The following NUP107 variants were observed in gnomAD, a reference collection of about 807,000 sequenced individuals.
NUP107 encodes the protein nuclear pore complex protein Nup107.
A neutral mutation model predicts 141.0 loss-of-function variants in NUP107; 101 were observed. The observed-to-expected ratio is 0.72, with a 90% CI of 0.61 to 0.84. The LOEUF (loss-of-function observed/expected upper bound fraction) is 0.84. Among genes scored for constraint, NUP107 ranks in the 40% least tolerant of loss-of-function variants. The pLI, the probability that NUP107 is intolerant of heterozygous loss-of-function variation, is 0.00. For synonymous variants in NUP107, 319 were observed against 363.9 expected (o/e 0.88, Z 1.41); for missense variants, 941 against 1,102.7 (o/e 0.85, Z 2.08).
chr12:68,713,851 AT>A lies in NUP107; in HGVS notation c.969+53del, dbSNP rs762217356. On this transcript the variant is annotated intron_variant, in intron 11 of 27. Coordinates refer to ENST00000229179, the MANE Select transcript of NUP107 (RefSeq NM_020401.4). ...TGAAAGTTGCCTTCAAAGTTAACTGATTTTTTTTTTCAGGCTGAGAATTTTT... is the reference window on the plus strand; with the variant it reads ...TGAAAGTTGCCTTCAAAGTTAACTGATTTTTTTTTCAGGCTGAGAATTTTT... The A allele has an allele frequency of 1.1e-3, 1,539 of 1,399,424 alleles. 2 individuals are homozygous for A. Among genetic ancestry groups the A allele is most frequent in the Admixed American group, 1.9e-3 (92 of 47,800 alleles). The allele number at this position is 1,399,424 out of a possible 1,614,324, so 86.7% of individuals were successfully genotyped here. A position where few individuals can be genotyped will look rare whatever the true frequency, so the allele number is the denominator to read the frequency against.
chr12:68,697,046 G>A, intron 6 of NUP107, 124 bp downstream of exon 6: 1 of 524,818 alleles, frequency 1.9e-6, no homozygotes. Context: ...GGAGTGGAGG[G>A]AAAGTCAACT....
At chr12:68,693,399 G>A (rs185601927) in intron 5 of NUP107, among the ~76,000 whole-genome samples, 83 of 151,958 alleles carry the variant, frequency 5.5e-4, no homozygotes, top group African/African-American at 1.9e-3. Context: ...TCTTTATAGA[G>A]ACAGGGTCTA....
In NUP107 at chr12:68,743,090, AG is replaced by A. The variant is rs1878388346; in HGVS notation, c.*630del. The A allele has an allele frequency of 6.6e-6, 1 of 152,244 alleles. No individual in the cohort carries two copies. Among genetic ancestry groups the A allele is most frequent in the Admixed American group, 6.5e-5 (1 of 15,276 alleles). 9.4% of individuals were successfully genotyped at this position (152,244 alleles called of 1,614,324 possible). A position where few individuals can be genotyped will look rare whatever the true frequency, so the allele number is the denominator to read the frequency against. Reference sequence around the variant, plus strand: ...GGGAAATACCATAAGTACATTTAAAAGGTGTCATTTAAAAATACAAGTAGTG... The same window carrying A: ...GGGAAATACCATAAGTACATTTAAAAGTGTCATTTAAAAATACAAGTAGTG... On this transcript the variant is annotated 3_prime_UTR_variant, in exon 28 of 28. Coordinates refer to ENST00000229179, the MANE Select transcript of NUP107 (RefSeq NM_020401.4).
chr12:68,727,414 G>T (rs1303844236), intron 20 of NUP107, 25 bp downstream of exon 20: 9 of 1,348,604 alleles, frequency 6.7e-6, no homozygotes, highest in Non-Finnish European at 8.2e-6. Flanking sequence ...CCTACAACCT[G>T]ATTGTTTTTT....
At chr12:68,705,440 C>G (rs964938152) in intron 8 of NUP107, among the ~76,000 whole-genome samples, 9 of 150,972 alleles carry the variant, frequency 6.0e-5, no homozygotes, top group Non-Finnish European at 1.3e-4. Context: ...AAGGGAGTAT[C>G]TCACTTTACA....
chr12:68,692,666 T>G (rs749017793), intron 5 of NUP107, among the ~76,000 whole-genome samples: 12 of 151,526 alleles, frequency 7.9e-5, no homozygotes, highest in Non-Finnish European at 1.0e-4. Context: ...CACTGCAGCC[T>G]TAACCTCCCA....
In NUP107 at chr12:68,689,632, G is replaced by A; in HGVS notation, c.187+13G>A. The A allele has an allele frequency of 6.4e-7, 1 of 1,557,094 alleles. No individual in the cohort carries two copies. The highest frequency in any genetic ancestry group is 8.8e-7 in the Non-Finnish European group (1 of 1,136,090). ...TTTCGACAGCCTTGTAAGATTTTTT[G>A]CTTTTAAAGCATTTAATAATAACGG... On this transcript the variant is annotated intron_variant, in intron 3 of 27. Transcript: ENST00000229179.
At chr12:68,725,227 G>C (rs933916266) in intron 17 of NUP107, among the ~76,000 whole-genome samples, 2 of 151,658 alleles carry the variant, frequency 1.3e-5, no homozygotes, top group Non-Finnish European at 2.9e-5. Context: ...AAAAAATCAA[G>C]CTGCAAATAA....
chr12:68,694,608 A>G (rs1415408031), intron 5 of NUP107, among the ~76,000 whole-genome samples: 1 of 152,250 alleles, frequency 6.6e-6, no homozygotes, highest in African/African-American at 2.4e-5. Context: ...GCAAAGAAAT[A>G]GAATAGACAG....
chr12:68,733,404 T>G (rs1565703096), intron 23 of NUP107, 48 bp from the exon 24 acceptor site: 2 of 1,550,566 alleles, frequency 1.3e-6, no homozygotes, highest in Non-Finnish European at 1.7e-6. Context: ...TTAGAAACCA[T>G]TACAGAGAAG....
rs368115879 is a variant in NUP107, at chr12:68,713,423, G to A, written c.891-307G>A. On this transcript the variant is annotated intron_variant, in intron 10 of 27. Coordinates refer to ENST00000229179, the MANE Select transcript of NUP107 (RefSeq NM_020401.4). ...CCATTAAGAAAATAAATGGGAGCAAGCCACAGACTGGGATGTGTAGTTCAT... is the reference window on the plus strand; with the variant it reads ...CCATTAAGAAAATAAATGGGAGCAAACCACAGACTGGGATGTGTAGTTCAT... 1.7e-4 allele frequency among the ~76,000 whole-genome samples: 25 copies of A among 148,532 alleles called. No individual in the cohort carries two copies. In the East Asian group the frequency reaches 4.1e-3, roughly 24 times the overall value.
In NUP107 at chr12:68,726,544, A is replaced by G; in HGVS notation, c.1622A>G (p.Asn541Ser). Reference protein sequence around the residue: ...FSKWLSKSRNNLPGHLLRFMT... With the variant: ...FSKWLSKSRNSLPGHLLRFMT... ...AAATGGCTTTCCAAAAGCAGAAACA[A>G]TCTACCTGGACACCTGCTTCGCTTT... The change falls in exon 19 of 28, where the codon AAT (asparagine) becomes AGT (serine). Residue 541 changes from asparagine (N) to serine (S), a missense_variant. Transcript: ENST00000229179. The G allele has an allele frequency of 1.9e-6, 3 of 1,614,062 alleles. No homozygotes were observed. Among genetic ancestry groups the G allele is most frequent in the Non-Finnish European group, 1.7e-6 (2 of 1,179,978 alleles).
Position 68,687,041 on chromosome 12 carries a change from G to T in NUP107, c.-25G>T. The stretch of plus-strand genomic sequence containing the variant: ...GGTAGCTAAACTGCAGCCAACTTTG[G>T]TTGTGTGTGGAAAAGGCTTTAGCCA... On this transcript the variant is annotated 5_prime_UTR_variant, in exon 1 of 28. Transcript: ENST00000229179. The T allele has an allele frequency of 6.2e-7, 1 of 1,614,158 alleles. No homozygotes were observed. Among genetic ancestry groups the T allele is most frequent in the East Asian group, 2.2e-5 (1 of 44,888 alleles).
intron 11 of NUP107, 26 bp from the exon 12 acceptor site, chr12:68,715,598 TTGA>T (rs1380807944): frequency 1.6e-6 from 2 of 1,242,954 alleles, no homozygotes; most frequent in Admixed American, 3.4e-5. Flanking sequence ...GGATTTATGG[TTGA>T]TGATGACTTT....
At chr12:68,704,086 A>T (rs1018188599) in intron 8 of NUP107, among the ~76,000 whole-genome samples, 4 of 152,222 alleles carry the variant, frequency 2.6e-5, no homozygotes, top group Non-Finnish European at 5.9e-5. Context: ...AAAAATAAAA[A>T]AAAAGTGCAG....
At chr12:68,708,599 G>A (rs1034264284) in intron 8 of NUP107, among the ~76,000 whole-genome samples, 2 of 151,710 alleles carry the variant, frequency 1.3e-5, no homozygotes, top group African/African-American at 2.4e-5. Flanking sequence ...TAACAGGGCT[G>A]TATTCAGCCC....
chr12:68,690,471 C>A, intron 3 of NUP107, 160 bp from the exon 4 acceptor site: 1 of 954,372 alleles, frequency 1.0e-6, no homozygotes, highest in Non-Finnish European at 1.5e-6. Flanking sequence ...TAAGTTAAAT[C>A]CTTGTATCAT....
rs765269383 is a variant in NUP107, at chr12:68,719,411, A to G, written c.1154A>G (p.His385Arg). 3.1e-6 allele frequency: 5 copies of G among 1,614,046 alleles called. No individual in the cohort carries two copies. The South Asian group carries it at 3.3e-5, about 11-fold the overall frequency. The change falls in exon 13 of 28, where the codon CAT (histidine) becomes CGT (arginine). Residue 385 changes from histidine to arginine, a missense_variant. Transcript: ENST00000229179. The stretch of plus-strand genomic sequence containing the variant: ...ACACTTGAAGGCTGGAAACTGTACC[A>G]TGACCCTAATGTTAATGGAGGTATT... Reference protein sequence around the residue: ...AATLEGWKLYHDPNVNGGTEL... With the variant: ...AATLEGWKLYRDPNVNGGTEL...
chr12:68,701,627 C>G (rs544630166), intron 7 of NUP107, among the ~76,000 whole-genome samples: 2 of 151,030 alleles, frequency 1.3e-5, no homozygotes, highest in Admixed American at 1.3e-4. Context: ...GGTTGCGAGC[C>G]GAGATTGTGC....
Sources: gnomAD v4.1 joint callset for allele counts (sites outside exome capture counted in the v4.1 genomes callset) on GRCh38, gnomAD v4.1.1 for gene constraint, MANE v1.5 for transcripts, NCBI Gene and HGNC (gene_info 2026-07-23, HGNC 2026-07-21) for gene names.